Variants in SLC4A7 observed in about 807,000 individuals in gnomAD.
The protein encoded by SLC4A7 is sodium bicarbonate cotransporter 3.
SLC4A7 carries 51 observed loss-of-function variants against 137.6 expected under a neutral mutation model. The observed-to-expected ratio is 0.37, with a 90% CI of 0.30 to 0.47. The LOEUF (loss-of-function observed/expected upper bound fraction) is 0.47, where lower values mean the gene tolerates loss of function less well. SLC4A7 is among the 20% of genes least tolerant of loss of function. The pLI is 1.00. For synonymous variants in SLC4A7, 542 were observed against 518.6 expected (o/e 1.05, Z -0.61); for missense variants, 1,247 against 1,525.4 (o/e 0.82, Z 3.04).
chr3:27,425,874 G>A (rs984296467), intron 7 of SLC4A7, among the ~76,000 whole-genome samples: 1 of 151,838 alleles, frequency 6.6e-6, no homozygotes, highest in Non-Finnish European at 1.5e-5. Flanking sequence ...GGAGGAAAAG[G>A]TACTGAAATA....
At chr3:27,382,835 T>C (rs1339358833) in intron 24 of SLC4A7, among the ~76,000 whole-genome samples, 1 of 151,930 alleles carries the variant, frequency 6.6e-6, no homozygotes, top group Non-Finnish European at 1.5e-5. Context: ...ACTGGGAAAA[T>C]GGAAATATTC....
intron 1 of SLC4A7, among the ~76,000 whole-genome samples, chr3:27,454,955 A>G (rs2058311197): frequency 6.6e-6 from 1 of 151,696 alleles, no homozygotes; most frequent in African/African-American, 2.4e-5. Flanking sequence ...ATACCCTTTG[A>G]CCTCTAAATA....
Position 27,420,472 on chromosome 3 carries a change from A to C in SLC4A7, c.1512+228T>G, listed in dbSNP as rs904121996. Among the ~76,000 whole-genome samples, 9 of 152,142 alleles carry C rather than the reference A, an allele frequency of 5.9e-5. 1 individual carries two copies. ...TTCAAGAAGGTAGTCAATAATTACA[A>C]ATGTTTAAAACAAAAAAAAATTTTT... On this transcript the variant is annotated intron_variant, in intron 10 of 25. Transcript: ENST00000454389.
chr3:27,482,248 C>CAATG (rs941525696), intron 1 of SLC4A7, among the ~76,000 whole-genome samples: 1 of 152,142 alleles, frequency 6.6e-6, no homozygotes, highest in African/African-American at 2.4e-5. Context: ...AGTGTTATTA[C>CAATG]AATGAATGAA....
intron 3 of SLC4A7, among the ~76,000 whole-genome samples, chr3:27,438,665 CAT>C (rs924858743): frequency 1.0e-4 from 11 of 105,184 alleles, no homozygotes; most frequent in East Asian, 8.4e-4. Context: ...ACAAACATAA[CAT>C]AAAATAAAAA....
intron 22 of SLC4A7, among the ~76,000 whole-genome samples, chr3:27,388,995 A>G (rs942354978): frequency 2.0e-5 from 3 of 152,166 alleles, no homozygotes; most frequent in East Asian, 1.9e-4. Context: ...AATCATCTCC[A>G]TATCTCTGGT....
At chr3:27,476,572 T>A (rs560816155) in intron 1 of SLC4A7, among the ~76,000 whole-genome samples, 13 of 152,308 alleles carry the variant, frequency 8.5e-5, no homozygotes, top group Admixed American at 3.9e-4. Flanking sequence ...TCCCCTCATG[T>A]TGAAGAAGGG....
At chr3:27,438,383 T>C (rs1251351517) in intron 3 of SLC4A7, among the ~76,000 whole-genome samples, 1 of 151,536 alleles carries the variant, frequency 6.6e-6, no homozygotes, top group East Asian at 1.9e-4. Context: ...TGGACACCTG[T>C]AATCCCAGCT....
chr3:27,436,637 A>C, intron 4 of SLC4A7, 89 bp from the exon 5 acceptor site: 2 of 848,280 alleles, frequency 2.4e-6, no homozygotes, highest in Non-Finnish European at 1.7e-6. Context: ...TGTTCTTTAA[A>C]GAAAAAAAAA....
At chr3:27,437,312 T>G in intron 4 of SLC4A7, 76 bp downstream of exon 4, 2 of 937,142 alleles carry the variant, frequency 2.1e-6, no homozygotes, top group South Asian at 4.5e-5. Flanking sequence ...GATCGCACCA[T>G]CGCACTCCAG....
At chr3:27,438,595 T>C (rs543245223) in intron 3 of SLC4A7, among the ~76,000 whole-genome samples, 2 of 107,322 alleles carry the variant, frequency 1.9e-5, no homozygotes, top group Non-Finnish European at 4.1e-5. Flanking sequence ...TAAAATAAAA[T>C]AACATAACAT....
intron 11 of SLC4A7, among the ~76,000 whole-genome samples, chr3:27,416,545 T>G (rs184290311): frequency 6.6e-6 from 1 of 152,332 alleles, no homozygotes; most frequent in African/African-American, 2.4e-5. Context: ...AATCTTAATT[T>G]TTTGATATTT....
chr3:27,392,707 G>T (rs1559645168), intron 20 of SLC4A7, among the ~76,000 whole-genome samples: 1 of 151,732 alleles, frequency 6.6e-6, no homozygotes, highest in African/African-American at 2.4e-5. Flanking sequence ...CGTGCCTGTA[G>T]TCCCAGCTAC....
chr3:27,405,174 G>A (rs1421339764), intron 13 of SLC4A7, among the ~76,000 whole-genome samples: 1 of 151,990 alleles, frequency 6.6e-6, no homozygotes, highest in African/African-American at 2.4e-5. Flanking sequence ...ATATTAAAAA[G>A]AAACTTTTGT....
chr3:27,404,681 C>A, intron 14 of SLC4A7, 149 bp downstream of exon 14: 1 of 596,888 alleles, frequency 1.7e-6, no homozygotes, highest in East Asian at 3.2e-5. Context: ...TGGAAGGGGC[C>A]AGAGGATGGT....
chr3:27,437,641 T>C (rs2056840811), intron 3 of SLC4A7, 115 bp from the exon 4 acceptor site: 1 of 473,882 alleles, frequency 2.1e-6, no homozygotes, highest in Non-Finnish European at 3.4e-6. Flanking sequence ...ATATATTTCA[T>C]CAAAACTCTC....
chr3:27,408,181 G>A (rs1258748147), intron 13 of SLC4A7, among the ~76,000 whole-genome samples: 1 of 152,042 alleles, frequency 6.6e-6, no homozygotes, highest in Non-Finnish European at 1.5e-5. Flanking sequence ...GGAGATACTG[G>A]CTCTTCTTAC....
intron 1 of SLC4A7, 40 bp downstream of exon 1, chr3:27,484,027 C>A: frequency 7.4e-7 from 1 of 1,360,092 alleles, no homozygotes; most frequent in South Asian, 1.6e-5. Context: ...GCCCCGCGCC[C>A]TCCCCCTGCG....
chr3:27,447,712 T>C (rs1295648651), intron 3 of SLC4A7, among the ~76,000 whole-genome samples: 3 of 149,782 alleles, frequency 2.0e-5, no homozygotes, highest in Non-Finnish European at 4.4e-5. Flanking sequence ...TGGCTATCTA[T>C]GCTCGTCATC....
Sources: gnomAD v4.1 joint callset for allele counts (sites outside exome capture counted in the v4.1 genomes callset) on GRCh38, gnomAD v4.1.1 for gene constraint, MANE v1.5 for transcripts, NCBI Gene and HGNC (gene_info 2026-07-23, HGNC 2026-07-21) for gene names.